N4BP2L1: variants seen among roughly 807,000 people sequenced by gnomAD.
The protein encoded by N4BP2L1 is NEDD4 binding protein 2 like 1, also known as NEDD4-binding protein 2-like 1.
A neutral mutation model predicts 21.2 loss-of-function variants in N4BP2L1; 12 were observed. The ratio of observed to expected loss-of-function variants is 0.57; its 90% confidence interval spans 0.36 to 0.92. N4BP2L1 has a LOEUF of 0.92. Ranked by LOEUF, N4BP2L1 falls within the 40% of genes least tolerant of loss-of-function variation. The pLI, the probability that N4BP2L1 is intolerant of heterozygous loss-of-function variation, is 0.01. For missense variants in N4BP2L1, 259 were observed against 310.6 expected (o/e 0.83, Z 1.25); for synonymous variants, 104 against 112.8 (o/e 0.92, Z 0.49).
chr13:32,418,760 T>C (rs1422773173), intron 1 of N4BP2L1, among the ~76,000 whole-genome samples: 1 of 152,180 alleles, frequency 6.6e-6, no homozygotes, highest in African/African-American at 2.4e-5. Flanking sequence ...ATATGAGACA[T>C]GGAGTCAAAG....
intron 2 of N4BP2L1, 43 bp from the exon 3 acceptor site, chr13:32,407,381 CAGAG>C (rs1004584939): frequency 1.2e-6 from 2 of 1,613,862 alleles, no homozygotes; most frequent in Non-Finnish European, 1.7e-6. Context: ...ATGCAACAAT[CAGAG>C]GGAAGGTGAG....
chr13:32,426,273 G>A (rs1367901742), intron 1 of N4BP2L1, among the ~76,000 whole-genome samples: 1 of 152,194 alleles, frequency 6.6e-6, no homozygotes. Flanking sequence ...GCAGGCCACA[G>A]ATCAGCAAAG....
chr13:32,408,355 G>A (rs1324640141), intron 1 of N4BP2L1, among the ~76,000 whole-genome samples: 1 of 152,108 alleles, frequency 6.6e-6, no homozygotes, highest in Non-Finnish European at 1.5e-5. Flanking sequence ...ATGATGACCC[G>A]AGCCAAATGG....
chr13:32,408,147 G>A (rs2073638517), intron 1 of N4BP2L1, among the ~76,000 whole-genome samples: 1 of 152,166 alleles, frequency 6.6e-6, no homozygotes. Context: ...CGAGGCACCA[G>A]TGCCCCTGCC....
chr13:32,406,155 C>G (rs977185598), intron 3 of N4BP2L1, among the ~76,000 whole-genome samples: 2 of 151,850 alleles, frequency 1.3e-5, no homozygotes, highest in African/African-American at 4.8e-5. Flanking sequence ...GTGATCCACC[C>G]GCCTCAGCCT....
At chr13:32,422,416 T>C (rs1233162850) in intron 1 of N4BP2L1, among the ~76,000 whole-genome samples, 1 of 152,210 alleles carries the variant, frequency 6.6e-6, no homozygotes, top group Non-Finnish European at 1.5e-5. Context: ...AGCTTCTCAG[T>C]GTCTTGGGCT....
Position 32,428,031 on chromosome 13 carries a change from G to C in N4BP2L1, c.52C>G (p.Gln18Glu). The C allele has an allele frequency of 6.4e-7, 1 of 1,553,870 alleles. No homozygotes were observed. ...SFGRLSLQPQQQQQRQRPPRP... is the reference protein window; with the variant it reads ...SFGRLSLQPQEQQQRQRPPRP... ...GGCGGCCGCTGCCGCTGCTGCTGCT[G>C]CTGGGGCTGGAGGCTCAGCCTCCCA... Residue 18 changes from glutamine to glutamate, a missense_variant, in exon 1 of 5, where the codon CAG (glutamine) becomes GAG (glutamate). Gln to Glu is a conservative substitution (Grantham distance 29, BLOSUM62 2). Coordinates refer to ENST00000380130, the MANE Select transcript of N4BP2L1 (RefSeq NM_052818.3).
chr13:32,401,548 T>C lies in N4BP2L1; in HGVS notation c.*1394A>G, dbSNP rs2073130755. Reference sequence around the variant, plus strand: ...AACAGTCTCATGTACACAGATCAAATATATAAGCAACTAAATTATAAGGCT... The same window carrying C: ...AACAGTCTCATGTACACAGATCAAACATATAAGCAACTAAATTATAAGGCT... On this transcript the variant is annotated 3_prime_UTR_variant, in exon 5 of 5. Transcript: ENST00000380130. 6.6e-6 allele frequency: 1 copy of C among 152,264 alleles called. No homozygotes were observed. Among genetic ancestry groups the C allele is most frequent in the East Asian group, 1.9e-4 (1 of 5,208 alleles). 9.4% of individuals were successfully genotyped at this position (152,264 alleles called of 1,614,324 possible).
At chr13:32,423,090 CCT>C (rs1566350981) in intron 1 of N4BP2L1, among the ~76,000 whole-genome samples, 1 of 152,202 alleles carries the variant, frequency 6.6e-6, no homozygotes, top group South Asian at 2.1e-4. Flanking sequence ...TAACTGGCCC[CCT>C]GTTCTCACTG....
At chr13:32,418,180 T>G (rs2137906976) in intron 1 of N4BP2L1, among the ~76,000 whole-genome samples, 1 of 152,316 alleles carries the variant, frequency 6.6e-6, no homozygotes, top group Non-Finnish European at 1.5e-5. Context: ...AAAAATGGTT[T>G]CATGAGATGG....
chr13:32,401,491 G>A lies in N4BP2L1; in HGVS notation c.*1451C>T, dbSNP rs2073126572. 1 of 152,130 alleles carries A rather than the reference G, an allele frequency of 6.6e-6. No individual in the cohort carries two copies. Among genetic ancestry groups the A allele is most frequent in the African/African-American group, 2.4e-5 (1 of 41,426 alleles). 9.4% of individuals were successfully genotyped at this position (152,130 alleles called of 1,614,324 possible). A position where few individuals can be genotyped will look rare whatever the true frequency, so the allele number is the denominator to read the frequency against. On this transcript the variant is annotated 3_prime_UTR_variant, in exon 5 of 5. Transcript: ENST00000380130. ...TGGTGTTGGTAGTCATGGAGATGTC[G>A]AGCAGGTTTCAGTAGTGTCAGATAA...
rs1346391501 is a variant in N4BP2L1, at chr13:32,402,575, G to GA, written c.*366dup. 2.0e-6 allele frequency: 2 copies of GA among 994,240 alleles called. No individual in the cohort carries two copies. The highest frequency in any genetic ancestry group is 1.7e-5 in the African/African-American group (1 of 57,324). 61.6% of individuals were successfully genotyped at this position (994,240 alleles called of 1,614,324 possible). A position where few individuals can be genotyped will look rare whatever the true frequency, so the allele number is the denominator to read the frequency against. On this transcript the variant is annotated 3_prime_UTR_variant, in exon 5 of 5. Transcript: ENST00000380130. ...CTTTACCGATGGAGATGAATTTCCTGAAAAAATAAATAGATCACTTCAGAG... is the reference window on the plus strand; with the variant it reads ...CTTTACCGATGGAGATGAATTTCCTGAAAAAAATAAATAGATCACTTCAGAG...
chr13:32,403,621 G>T, intron 4 of N4BP2L1: 1 of 504,724 alleles, frequency 2.0e-6, no homozygotes, highest in Admixed American at 2.2e-5. Flanking sequence ...GTGGGCAGAA[G>T]AATCAACTGG....
intron 1 of N4BP2L1, 145 bp downstream of exon 1, chr13:32,427,759 G>T: frequency 2.9e-6 from 1 of 347,168 alleles, no homozygotes; most frequent in Non-Finnish European, 4.7e-6. Flanking sequence ...CTCAGGCTTG[G>T]GCTGGGGCTG....
At chr13:32,413,510 C>T (rs2073970603) in intron 1 of N4BP2L1, among the ~76,000 whole-genome samples, 1 of 152,078 alleles carries the variant, frequency 6.6e-6, no homozygotes, top group Non-Finnish European at 1.5e-5. Context: ...ACAGTCTGTC[C>T]CACCATGCTA....
Position 32,428,108 on chromosome 13 carries a change from C to T in N4BP2L1, c.-26G>A, listed in dbSNP as rs758991470. 6.3e-6 allele frequency: 9 copies of T among 1,428,612 alleles called. No homozygotes were observed. The East Asian group carries it at 2.5e-4, about 39-fold the overall frequency. The allele number at this position is 1,428,612 out of a possible 1,614,324, so 88.5% of individuals were successfully genotyped here. ...GGGCAGGAGGGCTGGCTGCGAGAGC[C>T]CCGGGTTCCCTTTACTGAAGTCACG... On this transcript the variant is annotated 5_prime_UTR_variant, in exon 1 of 5. Coordinates refer to ENST00000380130, the MANE Select transcript of N4BP2L1 (RefSeq NM_052818.3).
chr13:32,423,676 G>C (rs1454091410), intron 1 of N4BP2L1, among the ~76,000 whole-genome samples: 1 of 152,142 alleles, frequency 6.6e-6, no homozygotes, highest in African/African-American at 2.4e-5. Flanking sequence ...AATTTAGCCA[G>C]ACACAAAAGG....
intron 1 of N4BP2L1, among the ~76,000 whole-genome samples, chr13:32,423,153 T>A (rs1166448003): frequency 6.6e-6 from 1 of 152,164 alleles, no homozygotes; most frequent in African/African-American, 2.4e-5. Context: ...TTTCTCCCCA[T>A]CTCCGCCTTA....
intron 1 of N4BP2L1, among the ~76,000 whole-genome samples, chr13:32,424,179 G>A (rs2074638667): frequency 6.6e-6 from 1 of 152,142 alleles, no homozygotes; most frequent in Admixed American, 6.5e-5. Context: ...ATCTGGTCCT[G>A]GGCTTACTTC....
Sources: allele counts gnomAD v4.1 joint callset (sites outside exome capture counted in the v4.1 genomes callset), GRCh38; gene constraint gnomAD v4.1.1; transcripts MANE v1.5; gene names NCBI Gene and HGNC (gene_info 2026-07-23, HGNC 2026-07-21).